The following PPP5C variants were observed in gnomAD, a reference collection of about 807,000 sequenced individuals.
PPP5C encodes serine/threonine-protein phosphatase 5.
A neutral mutation model predicts 66.7 loss-of-function variants in PPP5C; 21 were observed. That is an observed-to-expected ratio of 0.31 (90% CI 0.22 to 0.45). The LOEUF is 0.45. Ranked by LOEUF, PPP5C falls within the 20% of genes least tolerant of loss-of-function variation. The pLI is 1.00. For missense variants in PPP5C, 464 were observed against 675.9 expected, an observed-to-expected ratio of 0.69 and a Z score of 3.48; for synonymous variants, 246 against 257.4, an observed-to-expected ratio of 0.96 and a Z score of 0.43.
chr19:46,367,993 C>T (rs1408205565), intron 2 of PPP5C, among the ~76,000 whole-genome samples: 2 of 152,118 alleles, frequency 1.3e-5, no homozygotes, highest in South Asian at 2.1e-4. Flanking sequence ...CAGCAGCTGG[C>T]GGAAAATCCC....
chr19:46,359,610 C>T (rs1972346324), intron 2 of PPP5C, among the ~76,000 whole-genome samples: 1 of 152,066 alleles, frequency 6.6e-6, no homozygotes, highest in African/African-American at 2.4e-5. Flanking sequence ...TTTTCCTTTC[C>T]AGTCCCCCAG....
chr19:46,388,542 C>T lies in PPP5C; in HGVS notation c.1177-11C>T. 1.2e-6 allele frequency: 2 copies of T among 1,613,330 alleles called. No individual in the cohort carries two copies. Among genetic ancestry groups the T allele is most frequent in the Non-Finnish European group, 8.5e-7 (1 of 1,179,424 alleles). On this transcript the variant is annotated splice_polypyrimidine_tract_variant and intron_variant, in intron 10 of 12. Transcript: ENST00000012443. This position sits in a 1 kb window ranked among gnomAD's most constrained non-coding sequence, Gnocchi z 4.9. ...CCTGAACCCCTGTCTCTCCCTTCTGCCCACCCTCAGAACGGGCGCTCGATC... is the reference window on the plus strand; with the variant it reads ...CCTGAACCCCTGTCTCTCCCTTCTGTCCACCCTCAGAACGGGCGCTCGATC...
chr19:46,384,776 G>C, intron 6 of PPP5C, 28 bp from the exon 7 acceptor site: 1 of 1,540,520 alleles, frequency 6.5e-7, no homozygotes, highest in Non-Finnish European at 9.0e-7. Flanking sequence ...TCCCCTCCAC[G>C]CTTGCCATGT....
At chr19:46,359,153 G>T (rs1378562630) in intron 2 of PPP5C, among the ~76,000 whole-genome samples, 2 of 152,114 alleles carry the variant, frequency 1.3e-5, no homozygotes, top group African/African-American at 4.8e-5. Flanking sequence ...TGGGGAGGGG[G>T]AAGGAGATGG....
chr19:46,357,973 G>A (rs1277986414), intron 2 of PPP5C, among the ~76,000 whole-genome samples: 1 of 152,108 alleles, frequency 6.6e-6, no homozygotes, highest in African/African-American at 2.4e-5. Flanking sequence ...GAGGTTGGAG[G>A]GTGGGGCTGA....
intron 7 of PPP5C, among the ~76,000 whole-genome samples, chr19:46,385,873 G>A (rs781562373): frequency 6.6e-6 from 1 of 151,712 alleles, no homozygotes; most frequent in Non-Finnish European, 1.5e-5. Context: ...GAGCCCAGGA[G>A]TGTAAGGCTG....
chr19:46,389,407 A>AGTGTTGAGTAAGACTC (rs1972962940), intron 11 of PPP5C, among the ~76,000 whole-genome samples: 2 of 32,312 alleles, frequency 6.2e-5, no homozygotes, highest in African/African-American at 1.8e-4. Context: ...ACACACACAC[A>AGTGTTGAGTAAGACTC]CACACACACA....
chr19:46,389,370 C>A (rs1430787401), intron 11 of PPP5C, among the ~76,000 whole-genome samples: 2 of 1,580 alleles, frequency 1.3e-3, no homozygotes, highest in African/African-American at 2.1e-3. Context: ...AAAACACACA[C>A]ACACACACAC....
In PPP5C at chr19:46,390,113, T is replaced by G. The variant is rs755554889; in HGVS notation, c.1418T>G (p.Phe473Cys). 1.9e-6 allele frequency: 3 copies of G among 1,613,946 alleles called. No individual in the cohort carries two copies. The African/African-American group carries it at 4.0e-5, about 22-fold the overall frequency. The change falls in exon 12 of 13, where the codon TTC becomes TGC. Residue 473 changes from phenylalanine to cysteine, a missense_variant. Physicochemically the swap from Phe to Cys is radical, Grantham distance 205. This residue lies in a region of PPP5C where 387 missense variants were observed against 626.0 expected (regional missense o/e 0.62). Coordinates refer to ENST00000012443, the MANE Select transcript of PPP5C (RefSeq NM_006247.4). ...HLQGSDLRPQ[F>C]HQFTAVPHPN... ...CAGGGCTCTGACCTACGGCCTCAGT[T>G]CCACCAGTTCACAGCAGTGGTGAGT... is the stretch of plus-strand genomic sequence containing the variant.
Position 46,347,154 on chromosome 19 carries a change from C to G in PPP5C, c.58C>G (p.Pro20Ala), listed in dbSNP as rs770899505. The G allele has an allele frequency of 6.4e-5, 103 of 1,605,654 alleles. No individual in the cohort carries two copies. The Middle Eastern group carries it at 6.6e-4, about 10-fold the overall frequency. Reference sequence around the variant, plus strand: ...TGCTGAGCCCCCCCGGGACGAACCCCCGGCTGATGGAGCTCTGAAGCGGGC... The same window carrying G: ...TGCTGAGCCCCCCCGGGACGAACCCGCGGCTGATGGAGCTCTGAAGCGGGC... ...ECAEPPRDEP[P>A]ADGALKRAEE... Residue 20 changes from proline to alanine, a missense_variant, in exon 1 of 13, where the codon CCG becomes GCG. Physicochemically the swap from Pro to Ala is conservative, Grantham distance 27. Coordinates refer to ENST00000012443, the MANE Select transcript of PPP5C (RefSeq NM_006247.4).
intron 2 of PPP5C, among the ~76,000 whole-genome samples, chr19:46,373,095 C>T (rs1972623278): frequency 6.6e-6 from 1 of 152,366 alleles, no homozygotes; most frequent in East Asian, 1.9e-4. Context: ...AGATGTGAGG[C>T]CGCCTGTCCT....
intron 7 of PPP5C, among the ~76,000 whole-genome samples, chr19:46,386,185 G>C: frequency 6.6e-6 from 1 of 152,116 alleles, no homozygotes; most frequent in East Asian, 1.9e-4. Flanking sequence ...GATGTGGGTG[G>C]GGTTCCAAGG....
intron 4 of PPP5C, chr19:46,382,856 A>G: frequency 9.5e-7 from 1 of 1,048,404 alleles, no homozygotes; most frequent in Non-Finnish European, 1.2e-6. Flanking sequence ...GTCATTGTCA[A>G]GGTCATATCC....
In PPP5C at chr19:46,383,396, T is replaced by C. The variant is rs1972828592; in HGVS notation, c.634-15T>C. ...CCCCTGCAGCCGGTCCCACTGAGTC[T>C]GCCCTGCCTTCCAGATTCTGGTACA... On this transcript the variant is annotated splice_polypyrimidine_tract_variant and intron_variant, in intron 4 of 12. Transcript: ENST00000012443. The surrounding 1 kb of genome is among the most constrained non-coding windows in gnomAD (Gnocchi z 5.0). The C allele has an allele frequency of 4.4e-6, 7 of 1,608,880 alleles. No individual in the cohort carries two copies. Among genetic ancestry groups the C allele is most frequent in the African/African-American group, 1.3e-5 (1 of 74,772 alleles).
intron 12 of PPP5C, 73 bp from the exon 13 acceptor site, chr19:46,390,211 G>T: frequency 1.2e-6 from 2 of 1,606,592 alleles, no homozygotes; most frequent in Non-Finnish European, 1.7e-6. Flanking sequence ...AAGGGGCAGG[G>T]GTAGGTTCTG....
At chr19:46,363,090 G>A (rs974361453) in intron 2 of PPP5C, among the ~76,000 whole-genome samples, 5 of 149,374 alleles carry the variant, frequency 3.3e-5, no homozygotes, top group African/African-American at 9.8e-5. Context: ...CCGGGCCGCC[G>A]ACATAGTTTT....
At chr19:46,365,651 T>C (rs866105274) in intron 2 of PPP5C, among the ~76,000 whole-genome samples, 4 of 152,168 alleles carry the variant, frequency 2.6e-5, no homozygotes, top group South Asian at 2.1e-4. Flanking sequence ...TTACTGGTCT[T>C]CTTCCTAATG....
rs571556366 is a variant in PPP5C, at chr19:46,375,525, C to T, written c.364-79C>T. The T allele has an allele frequency of 1.0e-5, 16 of 1,565,788 alleles. No individual in the cohort carries two copies. In the South Asian group the frequency reaches 1.1e-4, roughly 11 times the overall value. ...CGGTCTGACTTCCACTTTCATGGAA[C>T]CCAGGGCTGGGCAGCCTGGGGGCAA... On this transcript the variant is annotated intron_variant, in intron 2 of 12. Transcript: ENST00000012443.
At chr19:46,384,967 C>T in intron 7 of PPP5C, 58 bp downstream of exon 7, 2 of 1,286,698 alleles carry the variant, frequency 1.6e-6, no homozygotes, top group Non-Finnish European at 2.3e-6. Context: ...GGGGCACTCA[C>T]TCTGCAAGGA....
Sources: allele counts gnomAD v4.1 joint callset (sites outside exome capture counted in the v4.1 genomes callset), GRCh38; gene constraint gnomAD v4.1.1; regional missense constraint gnomAD v4.1.1; non-coding constraint Gnocchi (gnomAD v3.1); transcripts MANE v1.5; gene names NCBI Gene and HGNC (gene_info 2026-07-23, HGNC 2026-07-21).